The following HTR1F variants were observed in gnomAD, a reference collection of about 807,000 sequenced individuals.
The protein encoded by HTR1F is 5-hydroxytryptamine receptor 1F.
A neutral mutation model predicts 24.0 loss-of-function variants in HTR1F; 17 were observed. The ratio of observed to expected loss-of-function variants is 0.71; its 90% confidence interval spans 0.48 to 1.06. The LOEUF is 1.06. Ranked by LOEUF, HTR1F falls within the 50% of genes least tolerant of loss-of-function variation. The pLI, the probability that HTR1F is intolerant of heterozygous loss-of-function variation, is 0.00. For missense variants in HTR1F, 391 were observed against 427.8 expected, an observed-to-expected ratio of 0.91 and a Z score of 0.76; for synonymous variants, 186 against 156.8, an observed-to-expected ratio of 1.19 and a Z score of -1.39.
chr3:87,812,064 A>G (rs1195308022), intron 1 of HTR1F, among the ~76,000 whole-genome samples: 1 of 152,180 alleles, frequency 6.6e-6, no homozygotes, highest in East Asian at 1.9e-4. Context: ...CAGAACTGTG[A>G]GTCAATTAAA....
At chr3:87,944,260 A>G (rs1369671677) in intron 2 of HTR1F, among the ~76,000 whole-genome samples, 1 of 152,200 alleles carries the variant, frequency 6.6e-6, no homozygotes, top group African/African-American at 2.4e-5. Context: ...ATCAAGATGC[A>G]TTCCCATAAG....
chr3:87,879,150 A>G (rs1705732546), intron 2 of HTR1F, among the ~76,000 whole-genome samples: 1 of 152,204 alleles, frequency 6.6e-6, no homozygotes. Context: ...GTTTAAAAGA[A>G]TGCTAAGTCA....
chr3:87,948,964 T>C (rs17025185), intron 2 of HTR1F, among the ~76,000 whole-genome samples: 13,329 of 152,262 alleles, frequency 0.088, 630 homozygotes, highest in African/African-American at 0.11. Context: ...TTCAGCAGTA[T>C]ATTTATTTTC....
intron 1 of HTR1F, among the ~76,000 whole-genome samples, chr3:87,821,154 A>T (rs1241300014): frequency 1.3e-5 from 2 of 151,864 alleles, no homozygotes; most frequent in Non-Finnish European, 3.0e-5. Flanking sequence ...GAGATTGTTC[A>T]AATTAAATTA....
At chr3:87,982,436 C>T (rs1198254462) in intron 2 of HTR1F, among the ~76,000 whole-genome samples, 7 of 152,068 alleles carry the variant, frequency 4.6e-5, no homozygotes, top group Non-Finnish European at 7.4e-5. Flanking sequence ...ACTGTCAATC[C>T]GATTCATAGG....
At chr3:87,983,250 C>A (rs950793322) in intron 2 of HTR1F, among the ~76,000 whole-genome samples, 1 of 151,952 alleles carries the variant, frequency 6.6e-6, no homozygotes, top group African/African-American at 2.4e-5. Flanking sequence ...GAGGCCAGAT[C>A]CAGCAGGCAG....
intron 2 of HTR1F, among the ~76,000 whole-genome samples, chr3:87,944,421 T>G (rs767644433): frequency 3.9e-5 from 6 of 152,184 alleles, no homozygotes; most frequent in Non-Finnish European, 8.8e-5. Flanking sequence ...TTAAGCAATT[T>G]TTCTAACTCT....
At chr3:87,872,371 A>G (rs1276755012) in intron 2 of HTR1F, among the ~76,000 whole-genome samples, 1 of 152,090 alleles carries the variant, frequency 6.6e-6, no homozygotes, top group Admixed American at 6.6e-5. Context: ...GCAAGTAAGA[A>G]GAAAATAAGA....
At chr3:87,872,404 T>C (rs1705578346) in intron 2 of HTR1F, among the ~76,000 whole-genome samples, 1 of 151,868 alleles carries the variant, frequency 6.6e-6, no homozygotes, top group Non-Finnish European at 1.5e-5. Context: ...CACAGTTAAC[T>C]GAAGAAAGTA....
chr3:87,986,832 T>C (rs1338053855), intron 2 of HTR1F, among the ~76,000 whole-genome samples: 2 of 152,224 alleles, frequency 1.3e-5, no homozygotes, highest in African/African-American at 4.8e-5. Flanking sequence ...AGGCCGGGCA[T>C]GGTGGCTCAC....
intron 1 of HTR1F, among the ~76,000 whole-genome samples, chr3:87,812,978 T>C (rs1019139655): frequency 6.6e-6 from 1 of 152,236 alleles, no homozygotes; most frequent in African/African-American, 2.4e-5. Context: ...TGCCTGGTTG[T>C]CCAGGCAGAA....
intron 2 of HTR1F, among the ~76,000 whole-genome samples, chr3:87,863,890 A>G (rs1705367985): frequency 6.6e-6 from 1 of 152,236 alleles, no homozygotes; most frequent in Admixed American, 6.5e-5. Flanking sequence ...ACTGGGCTAA[A>G]GCCAATGCAC....
chr3:87,878,168 T>A (rs1705712062), intron 2 of HTR1F, among the ~76,000 whole-genome samples: 3 of 152,202 alleles, frequency 2.0e-5, no homozygotes, highest in Admixed American at 2.0e-4. Context: ...TTAGTCATTC[T>A]AGAGCAGAGG....
At chr3:87,929,846 G>T (rs1418148744) in intron 2 of HTR1F, among the ~76,000 whole-genome samples, 2 of 152,160 alleles carry the variant, frequency 1.3e-5, no homozygotes, top group Non-Finnish European at 2.9e-5. Flanking sequence ...GAATGTCCTT[G>T]CTAGATTGAT....
intron 2 of HTR1F, among the ~76,000 whole-genome samples, chr3:87,948,382 G>A (rs1389204956): frequency 6.6e-6 from 1 of 152,058 alleles, no homozygotes; most frequent in Admixed American, 6.5e-5. Flanking sequence ...TATTTATCCT[G>A]TTAAATTACT....
chr3:87,991,682 A>T lies in HTR1F; in HGVS notation c.933A>T (p.Val311=). The T allele has an allele frequency of 2.5e-6, 4 of 1,612,762 alleles. No individual in the cohort carries two copies. Among genetic ancestry groups the T allele is most frequent in the Non-Finnish European group, 3.4e-6 (4 of 1,179,588 alleles). The change falls in exon 3 of 3, where the codon GTA becomes GTT. Residue 311 remains valine (V), a synonymous_variant. Transcript: ENST00000319595. ...AFVICWLPFF[V]KELVVNVCDK... ...TAATATGTTGGCTTCCTTTTTTTGT[A>T]AAAGAATTAGTTGTTAATGTCTGTG...
At chr3:87,810,867 G>A (rs1704148651) in intron 1 of HTR1F, among the ~76,000 whole-genome samples, 2 of 152,178 alleles carry the variant, frequency 1.3e-5, no homozygotes, top group Non-Finnish European at 2.9e-5. Flanking sequence ...ACTTTGCACA[G>A]GAGTTAATTT....
chr3:87,899,908 G>A lies in HTR1F; in HGVS notation c.-43+77784G>A, dbSNP rs180718141. 2.0e-4 allele frequency among the ~76,000 whole-genome samples: 30 copies of A among 152,194 alleles called. No homozygotes were observed. The East Asian group carries it at 5.6e-3, about 28-fold the overall frequency. On this transcript the variant is annotated intron_variant, in intron 2 of 2. Coordinates refer to ENST00000319595, the MANE Select transcript of HTR1F (RefSeq NM_001322209.2). ...AATCGCAGTCTATCATTTTATGTGT[G>A]GGGAATGCATCAATGAGTCAAATAA...
chr3:87,972,783 T>G (rs1349988872), intron 2 of HTR1F, among the ~76,000 whole-genome samples: 1 of 152,172 alleles, frequency 6.6e-6, no homozygotes, highest in African/African-American at 2.4e-5. Flanking sequence ...AATCATGTCA[T>G]ACGCTAAAGA....
Sources: gnomAD v4.1 joint callset for allele counts (sites outside exome capture counted in the v4.1 genomes callset) on GRCh38, gnomAD v4.1.1 for gene constraint, MANE v1.5 for transcripts, NCBI Gene and HGNC (gene_info 2026-07-23, HGNC 2026-07-21) for gene names.